Variants in CCDC136 observed in about 807,000 individuals in gnomAD.
CCDC136 encodes coiled-coil domain-containing protein 136.
CCDC136 carries 100 observed loss-of-function variants against 141.2 expected under a neutral mutation model. That is an observed-to-expected ratio of 0.71 (90% confidence interval 0.60 to 0.84). The LOEUF is 0.84. Among genes scored for constraint, CCDC136 ranks in the 40% least tolerant of loss-of-function variants. CCDC136 has a pLI of 0.00. For missense variants in CCDC136, 1,206 were observed against 1,379.4 expected, an observed-to-expected ratio of 0.87 and a Z score of 1.99; for synonymous variants, 474 against 531.9, an observed-to-expected ratio of 0.89 and a Z score of 1.50.
chr7:128,796,739 A>ATATTT lies in CCDC136; in HGVS notation c.346+1972_346+1973insATTTT. Among the ~76,000 whole-genome samples, 879 of 113,336 alleles carry ATATTT rather than the reference A, an allele frequency of 7.8e-3. 59 individuals carry two copies. Among genetic ancestry groups the ATATTT allele is most frequent in the African/African-American group, 0.038 (825 of 21,778 alleles). The allele number at this position is 113,336 out of a possible 152,430, so 74.4% of individuals were successfully genotyped here. Reference sequence around the variant, plus strand: ...TGATTCAGAATATATATATATATATATTCTTTTTTTTTTTTTTTTTGAGAC... The same window carrying ATATTT: ...TGATTCAGAATATATATATATATATATATTTTTCTTTTTTTTTTTTTTTTTGAGAC... On this transcript the variant is annotated intron_variant, in intron 3 of 17. Coordinates refer to ENST00000297788, the MANE Select transcript of CCDC136 (RefSeq NM_022742.5).
At position 128,811,996 on chromosome 7, in the gene CCDC136, A is replaced by C; in HGVS notation, c.2225A>C (p.Glu742Ala). The C allele has an allele frequency of 6.2e-7, 1 of 1,614,028 alleles. No homozygotes were observed. The highest frequency in any genetic ancestry group is 8.5e-7 in the Non-Finnish European group (1 of 1,179,868). ...VQSPSIKMSL[E>A]SYGKSYGSMV... ...TCCCCTTCTATAAAAATGAGCCTTG[A>C]GTCCTACGGGAAGAGCTATGGTAGC... Residue 742 changes from glutamate to alanine, a missense_variant, in exon 13 of 18, where the codon GAG becomes GCG. Transcript: ENST00000297788.
rs1585110476 is a variant in CCDC136, at chr7:128,812,084, C to A, written c.2313C>A (p.Ser771Arg). ...TYDTTVDDNE[S>R]YYKSYTSTQT... ...ATACCACTGTGGATGACAATGAGAG[C>A]TATTACAAGAGTTACACCAGCACCC... Residue 771 changes from serine (S) to arginine (R), a missense_variant, in exon 13 of 18, where the codon AGC (serine) becomes AGA (arginine). By Grantham distance (110) the Ser-to-Arg change is moderately radical. Coordinates refer to ENST00000297788, the MANE Select transcript of CCDC136 (RefSeq NM_022742.5). 2.5e-6 allele frequency: 4 copies of A among 1,613,880 alleles called. No homozygotes were observed. The highest frequency in any genetic ancestry group is 3.4e-6 in the Non-Finnish European group (4 of 1,179,882).
chr7:128,800,496 T>C (rs1803860975), intron 3 of CCDC136, among the ~76,000 whole-genome samples: 1 of 151,572 alleles, frequency 6.6e-6, no homozygotes, highest in Non-Finnish European at 1.5e-5. Context: ...GGTTTCACCA[T>C]GTTGGCCAGG....
Position 128,808,876 on chromosome 7 carries a change from G to A in CCDC136, c.1606-574G>A, listed in dbSNP as rs188229777. The A allele has an allele frequency of 1.3e-3, 1,233 of 985,406 alleles. 40 individuals carry two copies. In the South Asian group the frequency reaches 0.048, roughly 38 times the overall value. 61.0% of individuals were successfully genotyped at this position (985,406 alleles called of 1,614,324 possible). A position where few individuals can be genotyped will look rare whatever the true frequency, so the allele number is the denominator to read the frequency against. ...TTCTCTAGCCGTAAAACAGCATTGA[G>A]ATCTGTCTGATATTAGAAGATCTGG... On this transcript the variant is annotated intron_variant, in intron 10 of 17. Transcript: ENST00000297788.
chr7:128,809,473 G>A lies in CCDC136; in HGVS notation c.1629G>A (p.Leu543=). 1 of 1,545,438 alleles carries A rather than the reference G, an allele frequency of 6.5e-7. No homozygotes were observed. The highest frequency in any genetic ancestry group is 8.7e-7 in the Non-Finnish European group (1 of 1,144,538). The part of the protein sequence containing the change: ...ANKCDTLLSR[L]TELQEKYKAS... ...AGTGTGACACACTGCTGTCCAGACTGACAGAATTGCAGGAAAAGTACAAGG... is the reference window on the plus strand; with the variant it reads ...AGTGTGACACACTGCTGTCCAGACTAACAGAATTGCAGGAAAAGTACAAGG... The change falls in exon 11 of 18, where the codon CTG becomes CTA. Residue 543 remains leucine (L), a synonymous_variant. Transcript: ENST00000297788.
Position 128,805,952 on chromosome 7 carries a change from G to T in CCDC136, c.1089+51G>T. 6.2e-7 allele frequency: 1 copy of T among 1,605,614 alleles called. No individual in the cohort carries two copies. Among genetic ancestry groups the T allele is most frequent in the Non-Finnish European group, 8.5e-7 (1 of 1,174,308 alleles). On this transcript the variant is annotated intron_variant, in intron 7 of 17. Coordinates refer to ENST00000297788, the MANE Select transcript of CCDC136 (RefSeq NM_022742.5). This position sits in a 1 kb window ranked among gnomAD's most constrained non-coding sequence, Gnocchi z 4.6. ...GGGGTGGGGGCAGAAGGGCCTCATG[G>T]AGGGGCTGCTTCAACCGGGGTGGGC...
Position 128,812,089 on chromosome 7 carries a change from A to G in CCDC136, c.2318A>G (p.Tyr773Cys). Reference sequence around the variant, plus strand: ...ACTGTGGATGACAATGAGAGCTATTACAAGAGTTACACCAGCACCCAGACC... The same window carrying G: ...ACTGTGGATGACAATGAGAGCTATTGCAAGAGTTACACCAGCACCCAGACC... ...DTTVDDNESY[Y>C]KSYTSTQTSS... is the part of the protein sequence containing the mutation. Residue 773 changes from tyrosine to cysteine, a missense_variant, in exon 13 of 18, where the codon TAC (tyrosine) becomes TGC (cysteine). Tyr to Cys is a radical substitution (Grantham distance 194). Coordinates refer to ENST00000297788, the MANE Select transcript of CCDC136 (RefSeq NM_022742.5). 2 of 1,614,054 alleles carry G rather than the reference A, an allele frequency of 1.2e-6. No individual in the cohort carries two copies. Among genetic ancestry groups the G allele is most frequent in the Middle Eastern group, 1.6e-4 (1 of 6,062 alleles).
chr7:128,809,947 C>T (rs1309808309), intron 11 of CCDC136, among the ~76,000 whole-genome samples, 192 bp from the exon 12 acceptor site: 1 of 152,206 alleles, frequency 6.6e-6, no homozygotes, highest in East Asian at 1.9e-4. Flanking sequence ...AAATATATCC[C>T]AACACAAGAG....
intron 7 of CCDC136, 119 bp from the exon 8 acceptor site, chr7:128,806,118 A>T (rs964542962): frequency 9.5e-7 from 1 of 1,048,596 alleles, no homozygotes; most frequent in Admixed American, 2.8e-5. Context: ...AAGAAACCAA[A>T]CCCTAGACCT....
Position 128,809,432 on chromosome 7 carries a change from A to ACCC in CCDC136, c.1606-17_1606-15dup. Reference sequence around the variant, plus strand: ...CTTACAGAGTAACCACCCCCTCCACACCCGCCCCCACCCACAGTGTGACAC... The same window carrying ACCC: ...CTTACAGAGTAACCACCCCCTCCACACCCCCCGCCCCCACCCACAGTGTGACAC... On this transcript the variant is annotated splice_polypyrimidine_tract_variant and intron_variant, in intron 10 of 17. Transcript: ENST00000297788. 7.2e-6 allele frequency: 9 copies of ACCC among 1,253,166 alleles called. No homozygotes were observed. Among genetic ancestry groups the ACCC allele is most frequent in the East Asian group, 2.9e-5 (1 of 34,352 alleles). 77.6% of individuals were successfully genotyped at this position (1,253,166 alleles called of 1,614,324 possible).
In CCDC136 at chr7:128,794,532, G is replaced by A. The variant is rs993369417; in HGVS notation, c.201G>A (p.Gln67=). ...AGGAGCTGCGGGCTCAGGTGCTGCA[G>A]CTGGTGGCAGAACTGGAGGAGACCC... ...ELEELRAQVL[Q]LVAELEETRE... is the part of the protein sequence containing the mutation. The change falls in exon 2 of 18, where the codon CAG becomes CAA. Residue 67 remains glutamine (Q), a synonymous_variant. Coordinates refer to ENST00000297788, the MANE Select transcript of CCDC136 (RefSeq NM_022742.5). The surrounding 1 kb of genome is among the most constrained non-coding windows in gnomAD (Gnocchi z 4.3). 1 of 1,554,318 alleles carries A rather than the reference G, an allele frequency of 6.4e-7. No individual in the cohort carries two copies. The highest frequency in any genetic ancestry group is 1.4e-5 in the African/African-American group (1 of 73,182).
At chr7:128,803,481 T>G (rs1804354128) in intron 4 of CCDC136, among the ~76,000 whole-genome samples, 1 of 151,962 alleles carries the variant, frequency 6.6e-6, no homozygotes, top group Non-Finnish European at 1.5e-5. Context: ...CGGAACCCCA[T>G]CTTTACAAAA....
In CCDC136 at chr7:128,809,307, T is replaced by C. The variant is rs114208338; in HGVS notation, c.1606-143T>C. 968 of 620,420 alleles carry C rather than the reference T, an allele frequency of 1.6e-3. 12 individuals are homozygous for C. The African/African-American group carries it at 0.016, about 10-fold the overall frequency. 38.4% of individuals were successfully genotyped at this position (620,420 alleles called of 1,614,324 possible). A position where few individuals can be genotyped will look rare whatever the true frequency, so the allele number is the denominator to read the frequency against. Reference sequence around the variant, plus strand: ...TCGGTATCTAAACAGCCAGAATGCATTGTGGCTTGGGGTGACCAGTCCAAG... The same window carrying C: ...TCGGTATCTAAACAGCCAGAATGCACTGTGGCTTGGGGTGACCAGTCCAAG... On this transcript the variant is annotated intron_variant, in intron 10 of 17. Transcript: ENST00000297788.
At chr7:128,798,251 A>G (rs1158018562) in intron 3 of CCDC136, among the ~76,000 whole-genome samples, 2 of 83,240 alleles carry the variant, frequency 2.4e-5, no homozygotes, top group Non-Finnish European at 4.1e-5. Flanking sequence ...TCTCCTCAGT[A>G]GAGTTTTTTG....
At chr7:128,799,512 T>C (rs1330626676) in intron 3 of CCDC136, among the ~76,000 whole-genome samples, 1 of 151,840 alleles carries the variant, frequency 6.6e-6, no homozygotes, top group South Asian at 2.1e-4. Flanking sequence ...GGAGCTGTAA[T>C]GGTGAGCAAA....
chr7:128,801,281 G>T lies in CCDC136; in HGVS notation c.442G>T (p.Ala148Ser). ...EIEQELHLAQ[A>S]EIQSLRQAAE... ...AGAACAGGAATTGCATTTGGCCCAG[G>T]CTGAGATCCAGAGTCTGCGGCAAGC... The change falls in exon 4 of 18, where the codon GCT (alanine) becomes TCT (serine). Residue 148 changes from alanine (A) to serine (S), a missense_variant. Ala to Ser is a moderately conservative substitution (Grantham distance 99, BLOSUM62 1). Coordinates refer to ENST00000297788, the MANE Select transcript of CCDC136 (RefSeq NM_022742.5). 6.2e-7 allele frequency: 1 copy of T among 1,613,888 alleles called. No individual in the cohort carries two copies. The highest frequency in any genetic ancestry group is 1.1e-5 in the South Asian group (1 of 91,068).
In CCDC136 at chr7:128,815,857, G is replaced by A. The variant is rs1014005296; in HGVS notation, c.3289G>A (p.Glu1097Lys). The change falls in exon 16 of 18, where the codon GAG (glutamate) becomes AAG (lysine). Residue 1097 changes from glutamate (E) to lysine (K), a missense_variant. Coordinates refer to ENST00000297788, the MANE Select transcript of CCDC136 (RefSeq NM_022742.5). ...EEEKEEDSEE[E>K]EDDADSSLES... ...GGAGAAGGAAGAAGACAGTGAAGAG[G>A]AGGAGGATGACGCCGACTCTTCCCT... is the stretch of plus-strand genomic sequence containing the variant. 13 of 1,613,698 alleles carry A rather than the reference G, an allele frequency of 8.1e-6. No homozygotes were observed. Among genetic ancestry groups the A allele is most frequent in the Non-Finnish European group, 1.1e-5 (13 of 1,179,776 alleles).
At chr7:128,802,722 T>C (rs553697459) in intron 4 of CCDC136, among the ~76,000 whole-genome samples, 1 of 152,342 alleles carries the variant, frequency 6.6e-6, no homozygotes, top group East Asian at 1.9e-4. Context: ...TATATCATGG[T>C]AATGTAAGAT....
chr7:128,819,749 A>G (rs1032333819), intron 17 of CCDC136, among the ~76,000 whole-genome samples: 2 of 152,170 alleles, frequency 1.3e-5, no homozygotes, highest in Non-Finnish European at 2.9e-5. Context: ...ACTCAATATT[A>G]GCAACAAATA....
Sources: gnomAD v4.1 joint callset for allele counts (sites outside exome capture counted in the v4.1 genomes callset) on GRCh38, gnomAD v4.1.1 for gene constraint, Gnocchi (gnomAD v3.1) non-coding constraint, MANE v1.5 for transcripts, NCBI Gene and HGNC (gene_info 2026-07-23, HGNC 2026-07-21) for gene names.